The following EPB41L4A variants were observed in gnomAD, a reference collection of about 807,000 sequenced individuals.
The protein encoded by EPB41L4A is erythrocyte membrane protein band 4.1 like 4A.
In EPB41L4A, 100 loss-of-function variants were observed where a neutral mutation model predicts 108.6. The ratio of observed to expected loss-of-function variants is 0.92; its 90% CI spans 0.78 to 1.09. The LOEUF is 1.09. EPB41L4A is among the 50% of genes least tolerant of loss of function. The pLI is 0.00. For missense variants in EPB41L4A, 1,030 were observed against 842.7 expected, an observed-to-expected ratio of 1.22 and a Z score of -2.75; for synonymous variants, 319 against 289.0, an observed-to-expected ratio of 1.10 and a Z score of -1.05.
At chr5:112,186,904 T>G (rs1761457838) in intron 17 of EPB41L4A, among the ~76,000 whole-genome samples, 1 of 152,220 alleles carries the variant, frequency 6.6e-6, no homozygotes, top group African/African-American at 2.4e-5. Flanking sequence ...GTAACTATTT[T>G]GTTTATGCAT....
chr5:112,387,434 G>A (rs927482786), intron 1 of EPB41L4A, among the ~76,000 whole-genome samples: 12 of 152,104 alleles, frequency 7.9e-5, no homozygotes, highest in East Asian at 7.7e-4. Flanking sequence ...ACACCATCCC[G>A]GCTAACACAG....
chr5:112,272,292 C>T (rs886640225), intron 4 of EPB41L4A, among the ~76,000 whole-genome samples: 18 of 151,600 alleles, frequency 1.2e-4, no homozygotes, highest in South Asian at 2.1e-4. Context: ...AGGTGCCCGC[C>T]GCCACGCGCA....
chr5:112,261,361 T>G lies in EPB41L4A; in HGVS notation c.642+1133A>C, dbSNP rs534387886. On this transcript the variant is annotated intron_variant, in intron 7 of 22. Coordinates refer to ENST00000261486, the MANE Select transcript of EPB41L4A (RefSeq NM_022140.5). ...AGTGTTATTTGCACTAGATAAAGTT[T>G]TATTAGGGTTCTTTAAAAACTGAGT... 4.6e-5 allele frequency among the ~76,000 whole-genome samples: 7 copies of G among 152,332 alleles called. 1 individual carries two copies. In the South Asian group the frequency reaches 1.0e-3, roughly 23 times the overall value.
chr5:112,405,434 G>A (rs1171423557), intron 1 of EPB41L4A, among the ~76,000 whole-genome samples: 5 of 152,210 alleles, frequency 3.3e-5, no homozygotes, highest in Non-Finnish European at 5.9e-5. Flanking sequence ...AAGCTGCTAA[G>A]TTTTGTCCAT....
In EPB41L4A at chr5:112,262,501, G is replaced by A. The variant is rs200939030; in HGVS notation, c.635C>T (p.Pro212Leu). The A allele has an allele frequency of 3.2e-4, 512 of 1,613,188 alleles. 1 individual carries two copies. Among genetic ancestry groups the A allele is most frequent in the Admixed American group, 4.2e-4 (25 of 59,986 alleles). ...SLEMYGVDLH[P>L]VYGENKSEYF... ...TAATTAAATGTTACTCACATAGACGGGATGGAGGTCAACGCCATACATCTC... is the reference window on the plus strand; with the variant it reads ...TAATTAAATGTTACTCACATAGACGAGATGGAGGTCAACGCCATACATCTC... The change falls in exon 7 of 23, where the codon CCC (proline) becomes CTC (leucine). Residue 212 changes from proline to leucine, a missense_variant. Transcript: ENST00000261486.
intron 1 of EPB41L4A, among the ~76,000 whole-genome samples, chr5:112,355,235 G>T (rs999741980): frequency 6.6e-6 from 1 of 152,128 alleles, no homozygotes; most frequent in Non-Finnish European, 1.5e-5. Context: ...ACTAGAAACC[G>T]AAAGCTATTT....
intron 1 of EPB41L4A, among the ~76,000 whole-genome samples, chr5:112,344,115 C>T (rs535146817): frequency 1.3e-5 from 2 of 152,002 alleles, no homozygotes; most frequent in Non-Finnish European, 2.9e-5. Flanking sequence ...AATTATTAAA[C>T]GTTCCACTAG....
rs1466043317 is a variant in EPB41L4A at position 112,168,975 on chromosome 5, A to C, written c.1850+20T>G. On this transcript the variant is annotated intron_variant, in intron 21 of 22. Coordinates refer to ENST00000261486, the MANE Select transcript of EPB41L4A (RefSeq NM_022140.5). ...TTTGGAGCCATGATGGTGATGGTGT[A>C]CTCTGGCCTGCCCACTTACTTCACT... is the stretch of plus-strand genomic sequence containing the variant. The C allele has an allele frequency of 6.3e-7, 1 of 1,576,252 alleles. No individual in the cohort carries two copies. The highest frequency in any genetic ancestry group is 8.7e-7 in the Non-Finnish European group (1 of 1,145,666).
At chr5:112,148,703 C>T (rs1759356265) in intron 12 of EPB41L4A, among the ~76,000 whole-genome samples, 1 of 152,160 alleles carries the variant, frequency 6.6e-6, no homozygotes, top group Admixed American at 6.5e-5. Flanking sequence ...AATATTTTCA[C>T]TTAGCCTTTC....
At chr5:112,327,594 T>A (rs1032624250) in intron 1 of EPB41L4A, among the ~76,000 whole-genome samples, 1 of 152,086 alleles carries the variant, frequency 6.6e-6, no homozygotes, top group African/African-American at 2.4e-5. Context: ...CATACAACTG[T>A]AGCCCTAACT....
chr5:112,418,496 T>C (rs956923578), intron 1 of EPB41L4A, among the ~76,000 whole-genome samples: 2 of 151,804 alleles, frequency 1.3e-5, no homozygotes, highest in Admixed American at 1.3e-4. Context: ...AATGACCCAT[T>C]AATGCGTTTC....
At chr5:112,313,535 A>G (rs1282225253) in intron 1 of EPB41L4A, among the ~76,000 whole-genome samples, 1 of 152,140 alleles carries the variant, frequency 6.6e-6, no homozygotes, top group African/African-American at 2.4e-5. Context: ...AGGCTGCAGT[A>G]AGCCGAGATC....
At chr5:112,149,744 T>C (rs553102553) in intron 12 of EPB41L4A, among the ~76,000 whole-genome samples, 16 of 152,296 alleles carry the variant, frequency 1.1e-4, no homozygotes, top group African/African-American at 3.9e-4. Flanking sequence ...TTGTTCTAAA[T>C]GCGTGTCTGA....
chr5:112,217,546 T>C (rs1015920838), intron 12 of EPB41L4A, among the ~76,000 whole-genome samples: 1 of 152,106 alleles, frequency 6.6e-6, no homozygotes, highest in African/African-American at 2.4e-5. Flanking sequence ...AAAAAAGTTT[T>C]TTTAATTAGC....
At chr5:112,183,566 A>C (rs773362313) in intron 18 of EPB41L4A, among the ~76,000 whole-genome samples, 6 of 152,204 alleles carry the variant, frequency 3.9e-5, no homozygotes, top group Admixed American at 6.5e-5. Context: ...GCAAATTCCA[A>C]CACTGAGGTG....
At chr5:112,274,069 G>C (rs1020475403) in intron 4 of EPB41L4A, among the ~76,000 whole-genome samples, 3 of 151,770 alleles carry the variant, frequency 2.0e-5, no homozygotes, top group African/African-American at 7.3e-5. Flanking sequence ...CAGGAGGATT[G>C]CTAGAAGCCA....
chr5:112,305,418 A>T (rs1031810929), intron 2 of EPB41L4A, among the ~76,000 whole-genome samples: 1 of 152,164 alleles, frequency 6.6e-6, no homozygotes, highest in Non-Finnish European at 1.5e-5. Context: ...ATCAACATTC[A>T]TGAAAACCAT....
At position 112,164,452 on chromosome 5, in the gene EPB41L4A, ATGATTGCTATCC is replaced by A. The variant is rs1760104430; in HGVS notation, c.*526_*537del. 6.6e-6 allele frequency: 1 copy of A among 152,240 alleles called. No individual in the cohort carries two copies. The highest frequency in any genetic ancestry group is 6.5e-5 in the Admixed American group (1 of 15,282). The allele number at this position is 152,240 out of a possible 1,614,324, so 9.4% of individuals were successfully genotyped here. A position where few individuals can be genotyped will look rare whatever the true frequency, so the allele number is the denominator to read the frequency against. On this transcript the variant is annotated 3_prime_UTR_variant, in exon 23 of 23. Transcript: ENST00000261486. Reference sequence around the variant, plus strand: ...GGACACAGACACAAGATAGAAATGAATGATTGCTATCCTGTTCCAGAAATGAAAATGTGGTAT... The same window carrying A: ...GGACACAGACACAAGATAGAAATGAATGTTCCAGAAATGAAAATGTGGTAT...
At chr5:112,358,936 A>G (rs2150752713) in intron 1 of EPB41L4A, among the ~76,000 whole-genome samples, 1 of 152,348 alleles carries the variant, frequency 6.6e-6, no homozygotes, top group East Asian at 1.9e-4. Context: ...GAAAACAGAC[A>G]CAAAAATATA....
Sources: allele counts gnomAD v4.1 joint callset (sites outside exome capture counted in the v4.1 genomes callset), GRCh38; gene constraint gnomAD v4.1.1; transcripts MANE v1.5; gene names NCBI Gene and HGNC (gene_info 2026-07-23, HGNC 2026-07-21).